CILP2: variants seen among roughly 807,000 people sequenced by gnomAD.
CILP2 encodes the protein cartilage intermediate layer protein 2.
In CILP2, 38 loss-of-function variants were observed where a neutral mutation model predicts 45.6. The ratio of observed to expected loss-of-function variants is 0.83; its 90% CI spans 0.64 to 1.09. The LOEUF (loss-of-function observed/expected upper bound fraction) is 1.09. Ranked by LOEUF, CILP2 falls within the 50% of genes least tolerant of loss-of-function variation. The probability of loss-of-function intolerance (pLI) is 0.00; values close to 1 mark genes in which losing one functional copy is unlikely to be tolerated. For synonymous variants in CILP2, 780 were observed against 723.5 expected (o/e 1.08, Z -1.25); for missense variants, 1,735 against 1,662.2 (o/e 1.04, Z -0.76).
rs958628666 is a variant in CILP2, at chr19:19,544,335, A to C, written c.1790A>C (p.Lys597Thr). The stretch of plus-strand genomic sequence containing the variant: ...GGCGCTTTCCGCAGAGCCGACGGCA[A>C]ACCCTACTCGGGGCCTGTGGAGGCC... ...PSGAFRRADGKPYSGPVEARV... is the reference protein window; with the variant it reads ...PSGAFRRADGTPYSGPVEARV... The change falls in exon 8 of 8, where the codon AAA becomes ACA. Residue 597 changes from lysine (K) to threonine (T), a missense_variant. Physicochemically the swap from Lys to Thr is moderately conservative, Grantham distance 78. Transcript: ENST00000291495. 1 of 1,611,782 alleles carries C rather than the reference A, an allele frequency of 6.2e-7. No individual in the cohort carries two copies. The highest frequency in any genetic ancestry group is 8.5e-7 in the Non-Finnish European group (1 of 1,179,780).
intron 1 of CILP2, among the ~76,000 whole-genome samples, chr19:19,539,296 G>A (rs555180395): frequency 2.6e-5 from 4 of 152,234 alleles, no homozygotes; most frequent in African/African-American, 9.6e-5. Flanking sequence ...AAGCACGGTG[G>A]CTCACGCCTG....
Position 19,544,525 on chromosome 19 carries a change from G to T in CILP2, c.1980G>T (p.Pro660=). ...CCGCGGAGCAGCTGCAGGTGGGGCC[G>T]GTGGCCGTGCGGGTGGCCGCCAGCC... ...PGSAEQLQVG[P]VAVRVAASQI... The change falls in exon 8 of 8, where the codon CCG becomes CCT. Residue 660 remains proline, a synonymous_variant. Coordinates refer to ENST00000291495, the MANE Select transcript of CILP2 (RefSeq NM_153221.2). 1 of 1,591,948 alleles carries T rather than the reference G, an allele frequency of 6.3e-7. No individual in the cohort carries two copies.
At position 19,542,501 on chromosome 19, in the gene CILP2, G is replaced by A. The variant is rs781128126; in HGVS notation, c.719G>A (p.Ser240Asn). 11 of 1,613,890 alleles carry A rather than the reference G, an allele frequency of 6.8e-6. No individual in the cohort carries two copies. In the Admixed American group the frequency reaches 1.7e-4, roughly 24 times the overall value. The change falls in exon 5 of 8, where the codon AGC (serine) becomes AAC (asparagine). Residue 240 changes from serine to asparagine, a missense_variant. Physicochemically the swap from Ser to Asn is conservative, Grantham distance 46. Transcript: ENST00000291495. The part of the protein sequence containing the change: ...LRDQPGTVAT[S>N]DAHGTFRVPG... ...GACCAGCCTGGCACTGTGGCCACCA[G>A]CGATGCTCACGGAACCTTCCGGGTG...
In CILP2 at chr19:19,545,111, C is replaced by A. The variant is rs770825010; in HGVS notation, c.2566C>A (p.Arg856Ser). 6.8e-6 allele frequency: 11 copies of A among 1,611,848 alleles called. No individual in the cohort carries two copies. The highest frequency in any genetic ancestry group is 6.7e-5 in the Admixed American group (4 of 59,964). Residue 856 changes from arginine (R) to serine (S), a missense_variant, in exon 8 of 8, where the codon CGT becomes AGT. Transcript: ENST00000291495. Reference sequence around the variant, plus strand: ...GGACCACGACGATCCCGCCTTCAAGCGTAACGGCTTCCGCATCAACCTCGC... The same window carrying A: ...GGACCACGACGATCCCGCCTTCAAGAGTAACGGCTTCCGCATCAACCTCGC... Reference protein sequence around the residue: ...RTDHDDPAFKRNGFRINLAKP... With the variant: ...RTDHDDPAFKSNGFRINLAKP...
In CILP2 at chr19:19,544,848, C is replaced by T; in HGVS notation, c.2303C>T (p.Ala768Val). Reference protein sequence around the residue: ...VVVTLVNLEPAPGFSANPRAW... With the variant: ...VVVTLVNLEPVPGFSANPRAW... The stretch of plus-strand genomic sequence containing the variant: ...GTCACGCTGGTCAATCTGGAGCCCG[C>T]CCCCGGCTTCTCCGCCAACCCCCGT... The change falls in exon 8 of 8, where the codon GCC becomes GTC. Residue 768 changes from alanine (A) to valine (V), a missense_variant. Ala to Val is a moderately conservative substitution (Grantham distance 64). Transcript: ENST00000291495. 1.9e-6 allele frequency: 3 copies of T among 1,598,048 alleles called. No homozygotes were observed. The highest frequency in any genetic ancestry group is 2.7e-5 in the African/African-American group (2 of 74,890).
chr19:19,545,643 G>C lies in CILP2; in HGVS notation c.3098G>C (p.Arg1033Pro), dbSNP rs1202805799. The change falls in exon 8 of 8, where the codon CGG becomes CCG. Residue 1033 changes from arginine (R) to proline (P), a missense_variant. Arg to Pro is a moderately radical substitution (Grantham distance 103). Transcript: ENST00000291495. ...GGACTCCTTCGGGATTACCTGACCC[G>C]GCACCCCCCACCGGTGCCCGCGGAG... ...VNGLLRDYLT[R>P]HPPPVPAEDP... 3 of 1,608,224 alleles carry C rather than the reference G, an allele frequency of 1.9e-6. No individual in the cohort carries two copies. Among genetic ancestry groups the C allele is most frequent in the Non-Finnish European group, 8.5e-7 (1 of 1,177,182 alleles).
intron 5 of CILP2, 30 bp from the exon 6 acceptor site, chr19:19,542,834 A>G (rs2061249350): frequency 6.3e-7 from 1 of 1,579,450 alleles, no homozygotes; most frequent in African/African-American, 1.3e-5. Context: ...GGGTGGGAGA[A>G]GCTCTGATCT....
Position 19,539,710 on chromosome 19 carries a change from T to C in CILP2, c.96T>C (p.Thr32=). 6.2e-7 allele frequency: 1 copy of C among 1,600,992 alleles called. No homozygotes were observed. The highest frequency in any genetic ancestry group is 8.5e-7 in the Non-Finnish European group (1 of 1,172,752). Residue 32 remains threonine, a synonymous_variant, in exon 2 of 8, where the codon ACT becomes ACC. Transcript: ENST00000291495. ...CCCCCACCGAGGAGCCAATGGCGAC[T>C]GCACTGGGCCTGGAAAGACGGTCCG... ...DATPTEEPMA[T]ALGLERRSVY...
rs778851543 is a variant in CILP2 at position 19,544,451 on chromosome 19, C to T, written c.1906C>T (p.Pro636Ser). The T allele has an allele frequency of 2.5e-6, 4 of 1,609,192 alleles. No homozygotes were observed. Among genetic ancestry groups the T allele is most frequent in the Admixed American group, 3.3e-5 (2 of 59,952 alleles). The change falls in exon 8 of 8, where the codon CCA becomes TCA. Residue 636 changes from proline (P) to serine (S), a missense_variant. Transcript: ENST00000291495. ...RFVDSDGELA[P>S]LRTYGMFSVD... ...CGTGGACAGCGACGGCGAGCTGGCT[C>T]CACTGCGCACCTACGGCATGTTCTC...
rs192484336 is a variant in CILP2 at position 19,542,226 on chromosome 19, G to C, written c.593-149G>C. Reference sequence around the variant, plus strand: ...CCATCTCCCCTTCACACTAGGGACTGCTCCAAGCAGGGCCATGCTGAGGCC... The same window carrying C: ...CCATCTCCCCTTCACACTAGGGACTCCTCCAAGCAGGGCCATGCTGAGGCC... On this transcript the variant is annotated intron_variant, in intron 4 of 7. Coordinates refer to ENST00000291495, the MANE Select transcript of CILP2 (RefSeq NM_153221.2). 612 of 782,742 alleles carry C rather than the reference G, an allele frequency of 7.8e-4. 7 individuals carry two copies. In the African/African-American group the frequency reaches 9.6e-3, roughly 12 times the overall value. The allele number at this position is 782,742 out of a possible 1,614,324, so 48.5% of individuals were successfully genotyped here.
Position 19,543,814 on chromosome 19 carries a change from G to A in CILP2, c.1269G>A (p.Leu423=), listed in dbSNP as rs778567082. The change falls in exon 8 of 8, where the codon CTG becomes CTA. Residue 423 remains leucine (L), a synonymous_variant. Coordinates refer to ENST00000291495, the MANE Select transcript of CILP2 (RefSeq NM_153221.2). ...GTCCCGACACCCGCTGCCCCAGCCT[G>A]GCAGGCTCCAGCCCCCGCTGCGGGG... The part of the protein sequence containing the change: ...GLCPDTRCPS[L]AGSSPRCGDA... The A allele has an allele frequency of 9.9e-6, 16 of 1,613,664 alleles. No individual in the cohort carries two copies. Among genetic ancestry groups the A allele is most frequent in the Non-Finnish European group, 1.2e-5 (14 of 1,179,896 alleles).
rs776783795 is a variant in CILP2 at position 19,545,274 on chromosome 19, A to G, written c.2729A>G (p.Asn910Ser). The G allele has an allele frequency of 5.6e-6, 9 of 1,612,940 alleles. No individual in the cohort carries two copies. The Admixed American group carries it at 1.5e-4, about 27-fold the overall frequency. Residue 910 changes from asparagine (N) to serine (S), a missense_variant, in exon 8 of 8, where the codon AAC becomes AGC. Physicochemically the swap from Asn to Ser is conservative, Grantham distance 46. Transcript: ENST00000291495. The stretch of plus-strand genomic sequence containing the variant: ...GTGGAGGCGGACAAGTACGAGTACA[A>G]CGTGGTCCCCTTCCGAGAGGGCACA... The part of the protein sequence containing the change: ...ARVEADKYEY[N>S]VVPFREGTPA...
chr19:19,540,697 A>G (rs2061240297), intron 3 of CILP2: 1 of 554,936 alleles, frequency 1.8e-6, no homozygotes, highest in Non-Finnish European at 2.9e-6. Context: ...GCGGGGCCCA[A>G]GTGCACCGTC....
Position 19,545,125 on chromosome 19 carries a change from C to T in CILP2, c.2580C>T (p.Arg860=). Reference sequence around the variant, plus strand: ...CCGCCTTCAAGCGTAACGGCTTCCGCATCAACCTCGCCAAGCCCAGGCCAG... The same window carrying T: ...CCGCCTTCAAGCGTAACGGCTTCCGTATCAACCTCGCCAAGCCCAGGCCAG... ...DDPAFKRNGF[R]INLAKPRPGD... Residue 860 remains arginine, a synonymous_variant, in exon 8 of 8, where the codon CGC becomes CGT. Transcript: ENST00000291495. 1 of 1,612,122 alleles carries T rather than the reference C, an allele frequency of 6.2e-7. No homozygotes were observed. The highest frequency in any genetic ancestry group is 1.3e-5 in the African/African-American group (1 of 75,072).
At chr19:19,539,237 C>A (rs766160267) in intron 1 of CILP2, among the ~76,000 whole-genome samples, 1 of 152,030 alleles carries the variant, frequency 6.6e-6, no homozygotes, top group Non-Finnish European at 1.5e-5. Flanking sequence ...TGGGTTCTGG[C>A]CTCTCAGAGC....
Position 19,538,383 on chromosome 19 carries a change from G to A in CILP2, c.34G>A (p.Val12Ile). The change falls in exon 1 of 8, where the codon GTC (valine) becomes ATC (isoleucine). Residue 12 changes from valine (V) to isoleucine (I), a missense_variant. Coordinates refer to ENST00000291495, the MANE Select transcript of CILP2 (RefSeq NM_153221.2). ...GCTGCTGCCACTGCTCTGTCTCTGT[G>A]TCGTCGCTGCGCACCTGGCGGGGGC... ...ASLLPLLCLC[V>I]VAAHLAGARD... 6.4e-7 allele frequency: 1 copy of A among 1,571,132 alleles called. No homozygotes were observed. Among genetic ancestry groups the A allele is most frequent in the South Asian group, 1.1e-5 (1 of 88,692 alleles).
rs1165331905 is a variant in CILP2 at position 19,544,855 on chromosome 19, C to T, written c.2310C>T (p.Gly770=). The T allele has an allele frequency of 6.3e-7, 1 of 1,597,088 alleles. No individual in the cohort carries two copies. Among genetic ancestry groups the T allele is most frequent in the East Asian group, 2.2e-5 (1 of 44,814 alleles). ...VTLVNLEPAP[G]FSANPRAWGR... ...TGGTCAATCTGGAGCCCGCCCCCGG[C>T]TTCTCCGCCAACCCCCGTGCCTGGG... The change falls in exon 8 of 8, where the codon GGC becomes GGT. Residue 770 remains glycine, a synonymous_variant. Coordinates refer to ENST00000291495, the MANE Select transcript of CILP2 (RefSeq NM_153221.2).
rs1452361989 is a variant in CILP2, at chr19:19,540,244, C to G, written c.204C>G (p.Pro68=). 24 of 1,602,906 alleles carry G rather than the reference C, an allele frequency of 1.5e-5. No homozygotes were observed. The highest frequency in any genetic ancestry group is 2.2e-5 in the East Asian group (1 of 44,552). The change falls in exon 3 of 8, where the codon CCC becomes CCG. Residue 68 remains proline, a synonymous_variant. Coordinates refer to ENST00000291495, the MANE Select transcript of CILP2 (RefSeq NM_153221.2). ...CGTCCTGGTTCAACGTGGACCACCC[C>G]GGAGGCGACGGCGACTTCGAGAGCC... is the stretch of plus-strand genomic sequence containing the variant. The part of the protein sequence containing the change: ...EWTSWFNVDH[P]GGDGDFESLA...
In CILP2 at chr19:19,545,560, G is replaced by A. The variant is rs770291585; in HGVS notation, c.3015G>A (p.Val1005=). The change falls in exon 8 of 8, where the codon GTG becomes GTA. Residue 1005 remains valine, a synonymous_variant. Coordinates refer to ENST00000291495, the MANE Select transcript of CILP2 (RefSeq NM_153221.2). ...GGATGCTGTTCGACCAGCGGCAGGT[G>A]GACAGGACGCTGGTGACCATTATGC... is the stretch of plus-strand genomic sequence containing the variant. ...CSGMLFDQRQ[V]DRTLVTIMPQ... is the part of the protein sequence containing the mutation. 3.0e-5 allele frequency: 48 copies of A among 1,611,638 alleles called. No homozygotes were observed. The highest frequency in any genetic ancestry group is 4.1e-5 in the Non-Finnish European group (48 of 1,179,510).
Sources: gnomAD v4.1 joint callset for allele counts (sites outside exome capture counted in the v4.1 genomes callset) on GRCh38, gnomAD v4.1.1 for gene constraint, MANE v1.5 for transcripts, NCBI Gene and HGNC (gene_info 2026-07-23, HGNC 2026-07-21) for gene names.